The following SLC35F3 variants were observed in gnomAD, a reference collection of about 807,000 sequenced individuals.
SLC35F3 encodes putative thiamine transporter SLC35F3.
A neutral mutation model predicts 49.9 loss-of-function variants in SLC35F3; 25 were observed. That is an observed-to-expected ratio of 0.50 (90% CI 0.37 to 0.70). The LOEUF is 0.70. Among genes scored for constraint, SLC35F3 ranks in the 30% least tolerant of loss-of-function variants. The probability of loss-of-function intolerance (pLI) is 0.00; values close to 1 mark genes in which losing one functional copy is unlikely to be tolerated. For synonymous variants in SLC35F3, 275 were observed against 265.4 expected (o/e 1.04, Z -0.35); for missense variants, 525 against 639.8 (o/e 0.82, Z 1.94).
intron 2 of SLC35F3, among the ~76,000 whole-genome samples, chr1:234,143,288 C>CTT (rs1352256091): frequency 4.9e-5 from 6 of 123,532 alleles, no homozygotes; most frequent in East Asian, 3.1e-4. Flanking sequence ...CTTTTCTTTT[C>CTT]TTTTTTTTTT....
intron 6 of SLC35F3, among the ~76,000 whole-genome samples, chr1:234,319,239 T>C (rs1345384131): frequency 6.6e-6 from 1 of 152,200 alleles, no homozygotes; most frequent in African/African-American, 2.4e-5. Context: ...AGCTGATAAA[T>C]TAATACCTGC....
chr1:234,033,354 G>A (rs1664090443), intron 2 of SLC35F3, among the ~76,000 whole-genome samples: 1 of 152,112 alleles, frequency 6.6e-6, no homozygotes, highest in African/African-American at 2.4e-5. Flanking sequence ...GAAGTTTTTA[G>A]TTTAATTAAG....
intron 2 of SLC35F3, among the ~76,000 whole-genome samples, chr1:234,099,783 G>C (rs1056259514): frequency 6.6e-6 from 1 of 152,090 alleles, no homozygotes; most frequent in African/African-American, 2.4e-5. Flanking sequence ...ATAGCTACTG[G>C]ATAACTGAAG....
chr1:234,153,856 G>A (rs1047665504), intron 2 of SLC35F3, among the ~76,000 whole-genome samples: 17 of 151,992 alleles, frequency 1.1e-4, no homozygotes, highest in African/African-American at 3.1e-4. Context: ...GGCGGATCAC[G>A]AGGTCAGGAG....
chr1:234,279,513 G>A (rs1388284204), intron 3 of SLC35F3, among the ~76,000 whole-genome samples: 4 of 152,210 alleles, frequency 2.6e-5, no homozygotes, highest in African/African-American at 9.6e-5. Context: ...AGGGCCCAGA[G>A]AGTGAGGGAC....
chr1:233,924,005 T>C lies in SLC35F3; in HGVS notation c.283+18247T>C, dbSNP rs188031329. On this transcript the variant is annotated intron_variant, in intron 2 of 7. Coordinates refer to ENST00000366618, the MANE Select transcript of SLC35F3 (RefSeq NM_173508.4). ...CCCAGGGATGAAGCCAACTCGATCGTGGTGGATAAGCTTTTTGATGTGCTG... is the reference window on the plus strand; with the variant it reads ...CCCAGGGATGAAGCCAACTCGATCGCGGTGGATAAGCTTTTTGATGTGCTG... Among the ~76,000 whole-genome samples, 967 of 152,284 alleles carry C rather than the reference T, an allele frequency of 6.3e-3. 9 individuals carry two copies. Among genetic ancestry groups the C allele is most frequent in the Middle Eastern group, 0.017 (5 of 294 alleles).
intron 2 of SLC35F3, among the ~76,000 whole-genome samples, chr1:234,051,634 T>C (rs1249861976): frequency 1.3e-5 from 2 of 152,164 alleles, no homozygotes; most frequent in Non-Finnish European, 2.9e-5. Context: ...CCTTTATTTC[T>C]TTCTCCTGCC....
rs572255271 is a variant in SLC35F3 at position 234,052,848 on chromosome 1, C to A, written c.283+147090C>A. 1.2e-4 allele frequency among the ~76,000 whole-genome samples: 19 copies of A among 152,296 alleles called. No homozygotes were observed. In the East Asian group the frequency reaches 3.7e-3, roughly 29 times the overall value. On this transcript the variant is annotated intron_variant, in intron 2 of 7. Coordinates refer to ENST00000366618, the MANE Select transcript of SLC35F3 (RefSeq NM_173508.4). ...TTCTGGTATGTTGTGTCTTTGTTCT[C>A]ATTGGTTTCAAAGAACATCTTTATT...
At chr1:233,942,682 G>C (rs886295591) in intron 2 of SLC35F3, among the ~76,000 whole-genome samples, 2 of 152,168 alleles carry the variant, frequency 1.3e-5, no homozygotes, top group Non-Finnish European at 2.9e-5. Flanking sequence ...CAAAGTGTTA[G>C]GACTACAGAC....
At chr1:234,290,886 C>G (rs1384768044) in intron 3 of SLC35F3, among the ~76,000 whole-genome samples, 1 of 151,708 alleles carries the variant, frequency 6.6e-6, no homozygotes, top group Non-Finnish European at 1.5e-5. Context: ...TTTTTTCCTC[C>G]CTTTCCTTCT....
At chr1:234,083,575 C>T (rs376076044) in intron 2 of SLC35F3, among the ~76,000 whole-genome samples, 4 of 152,172 alleles carry the variant, frequency 2.6e-5, no homozygotes, top group Non-Finnish European at 5.9e-5. Context: ...TCTGCACCCT[C>T]GATGTCTTCA....
intron 2 of SLC35F3, among the ~76,000 whole-genome samples, chr1:233,968,509 A>G (rs1662937101): frequency 6.7e-6 from 1 of 149,678 alleles, no homozygotes; most frequent in South Asian, 2.1e-4. Flanking sequence ...TTTGTTTTTG[A>G]GACAGTTTCA....
chr1:233,943,050 C>T (rs1035611520), intron 2 of SLC35F3, among the ~76,000 whole-genome samples: 14 of 152,160 alleles, frequency 9.2e-5, no homozygotes, highest in Non-Finnish European at 1.8e-4. Context: ...GTTCTCAATA[C>T]CCAAGATATG....
intron 2 of SLC35F3, among the ~76,000 whole-genome samples, chr1:233,936,434 A>G (rs1371935899): frequency 3.3e-5 from 5 of 152,092 alleles, no homozygotes; most frequent in East Asian, 1.9e-4. Flanking sequence ...ATAAAAACCT[A>G]CATCTCAGAA....
intron 2 of SLC35F3, among the ~76,000 whole-genome samples, chr1:233,996,163 C>G (rs182884883): frequency 6.6e-6 from 1 of 152,026 alleles, no homozygotes; most frequent in African/African-American, 2.4e-5. Context: ...CAGGAAAAAA[C>G]GGTTAATTGT....
chr1:233,955,367 C>A (rs527691674), intron 2 of SLC35F3, among the ~76,000 whole-genome samples: 66 of 152,264 alleles, frequency 4.3e-4, no homozygotes, highest in African/African-American at 1.6e-3. Flanking sequence ...TTCCTCCCTG[C>A]AACCCCCAGC....
chr1:234,181,795 T>G (rs1427731805), intron 2 of SLC35F3, among the ~76,000 whole-genome samples: 1 of 152,256 alleles, frequency 6.6e-6, no homozygotes, highest in East Asian at 1.9e-4. Flanking sequence ...TTTCTTTGTT[T>G]TTGGTTTCTT....
At chr1:234,156,088 G>C (rs571789675) in intron 2 of SLC35F3, among the ~76,000 whole-genome samples, 115 of 151,992 alleles carry the variant, frequency 7.6e-4, no homozygotes, top group Non-Finnish European at 1.4e-3. Flanking sequence ...ATATGAAAAG[G>C]TTTCAAAAAT....
At chr1:234,041,740 A>G (rs1558212795) in intron 2 of SLC35F3, among the ~76,000 whole-genome samples, 2 of 152,338 alleles carry the variant, frequency 1.3e-5, no homozygotes, top group South Asian at 2.1e-4. Context: ...ATTATATTCT[A>G]TTACACCTGT....
Sources: gnomAD v4.1 joint callset for allele counts (sites outside exome capture counted in the v4.1 genomes callset) on GRCh38, gnomAD v4.1.1 for gene constraint, MANE v1.5 for transcripts, NCBI Gene and HGNC (gene_info 2026-07-23, HGNC 2026-07-21) for gene names.